PPFIBP2: variants seen among roughly 807,000 people sequenced by gnomAD.
PPFIBP2 encodes the protein liprin-beta-2.
A neutral mutation model predicts 118.3 loss-of-function variants in PPFIBP2; 118 were observed. The ratio of observed to expected loss-of-function variants is 1.00; its 90% CI spans 0.86 to 1.16. The LOEUF is 1.16. Ranked by LOEUF, PPFIBP2 falls within the 50% of genes most tolerant of loss-of-function variation. The probability of loss-of-function intolerance (pLI) is 0.00; values close to 1 mark genes in which losing one functional copy is unlikely to be tolerated. For missense variants in PPFIBP2, 1,195 were observed against 1,073.1 expected (o/e 1.11, Z -1.59); for synonymous variants, 414 against 397.4 (o/e 1.04, Z -0.50).
At chr11:7,604,247 G>A (rs1042076336) in intron 5 of PPFIBP2, among the ~76,000 whole-genome samples, 5 of 152,152 alleles carry the variant, frequency 3.3e-5, no homozygotes, top group African/African-American at 9.7e-5. Flanking sequence ...AGATTGGGGT[G>A]GCTAGGAGTA....
chr11:7,588,045 C>T (rs955099346), intron 3 of PPFIBP2, among the ~76,000 whole-genome samples: 1 of 152,176 alleles, frequency 6.6e-6, no homozygotes, highest in Non-Finnish European at 1.5e-5. Context: ...TTGGACCTGA[C>T]ATATCCCCTG....
At chr11:7,580,944 C>T (rs1348565434) in intron 3 of PPFIBP2, among the ~76,000 whole-genome samples, 6 of 152,210 alleles carry the variant, frequency 3.9e-5, no homozygotes, top group Non-Finnish European at 7.3e-5. Flanking sequence ...CCATTCAGTG[C>T]TTCAGCTTTA....
chr11:7,623,325 A>G (rs892255872), intron 7 of PPFIBP2, among the ~76,000 whole-genome samples: 15 of 152,180 alleles, frequency 9.9e-5, no homozygotes, highest in Non-Finnish European at 1.6e-4. Flanking sequence ...TCTCTGCCCA[A>G]CTGCCTGTCT....
chr11:7,521,238 C>T (rs1849729902), intron 1 of PPFIBP2, among the ~76,000 whole-genome samples: 1 of 152,178 alleles, frequency 6.6e-6, no homozygotes, highest in African/African-American at 2.4e-5. Context: ...TCACCCTGTT[C>T]TATGTTGCAT....
chr11:7,639,206 C>G (rs1454894358), intron 14 of PPFIBP2, among the ~76,000 whole-genome samples: 1 of 152,124 alleles, frequency 6.6e-6, no homozygotes, highest in Non-Finnish European at 1.5e-5. Flanking sequence ...TTCCAATTAG[C>G]AGAAGCACCT....
At chr11:7,581,110 G>A (rs1020097518) in intron 3 of PPFIBP2, among the ~76,000 whole-genome samples, 3 of 152,192 alleles carry the variant, frequency 2.0e-5, no homozygotes, top group Non-Finnish European at 4.4e-5. Context: ...GGCTGATCAG[G>A]GCTGATGCTC....
chr11:7,648,994 A>C, intron 19 of PPFIBP2, 83 bp downstream of exon 19: 1 of 1,388,334 alleles, frequency 7.2e-7, no homozygotes, highest in East Asian at 2.3e-5. Flanking sequence ...TGGGTACCTC[A>C]AGGACAGCTG....
At chr11:7,587,068 C>T (rs1335082779) in intron 3 of PPFIBP2, among the ~76,000 whole-genome samples, 1 of 152,204 alleles carries the variant, frequency 6.6e-6, no homozygotes, top group African/African-American at 2.4e-5. Context: ...CCACCAACCC[C>T]GGTTGATGCC....
chr11:7,547,159 C>T (rs76827747), intron 1 of PPFIBP2, among the ~76,000 whole-genome samples: 9,015 of 152,258 alleles, frequency 0.059, 357 homozygotes, highest in South Asian at 0.15. Flanking sequence ...GGCTGCTTTA[C>T]GTGGTGCCGG....
downstream of PPFIBP2, among the ~76,000 whole-genome samples, chr11:7,661,102 C>A (rs1251172696): frequency 5.3e-5 from 8 of 151,842 alleles, no homozygotes; most frequent in Non-Finnish European, 1.0e-4. Context: ...AAACCAGCTC[C>A]TGGATTCATT....
intron 1 of PPFIBP2, 148 bp from the exon 2 acceptor site, chr11:7,549,292 G>C (rs758941277): frequency 1.0e-5 from 7 of 698,254 alleles, no homozygotes; most frequent in Non-Finnish European, 1.7e-5. Flanking sequence ...GAGGGAAAAG[G>C]CCATGGAGAT....
intron 1 of PPFIBP2, among the ~76,000 whole-genome samples, chr11:7,528,873 G>C (rs993122365): frequency 1.3e-5 from 2 of 152,174 alleles, no homozygotes; most frequent in African/African-American, 4.8e-5. Context: ...CTTTGTTGCT[G>C]AGCAGGTCTG....
At chr11:7,575,232 A>G (rs1856144381) in intron 3 of PPFIBP2, among the ~76,000 whole-genome samples, 1 of 152,236 alleles carries the variant, frequency 6.6e-6, no homozygotes, top group Non-Finnish European at 1.5e-5. Flanking sequence ...AATTGTAGGC[A>G]TGGAAGTAGG....
At chr11:7,523,073 G>A (rs1016815789) in intron 1 of PPFIBP2, among the ~76,000 whole-genome samples, 5 of 152,118 alleles carry the variant, frequency 3.3e-5, no homozygotes, top group African/African-American at 1.2e-4. Flanking sequence ...AGCAGGGTCC[G>A]GTGTAGAGTC....
At chr11:7,605,913 C>G in intron 5 of PPFIBP2, 1 of 1,519,142 alleles carries the variant, frequency 6.6e-7, no homozygotes, top group Non-Finnish European at 8.8e-7. Flanking sequence ...AAAGCAAAGC[C>G]TGTTGGAGCT....
chr11:7,661,127 T>C (rs906520044), downstream of PPFIBP2, among the ~76,000 whole-genome samples: 12 of 151,590 alleles, frequency 7.9e-5, no homozygotes, highest in African/African-American at 2.9e-4. Context: ...TTTTGAAGGG[T>C]TTTTTGTGTC....
chr11:7,588,433 C>A (rs977492311), intron 3 of PPFIBP2, among the ~76,000 whole-genome samples: 1 of 152,208 alleles, frequency 6.6e-6, no homozygotes, highest in Non-Finnish European at 1.5e-5. Flanking sequence ...TTTCCTGAGG[C>A]CCCTCTCAGT....
At chr11:7,643,920 CAG>C (rs1478029243) in intron 17 of PPFIBP2, among the ~76,000 whole-genome samples, 1 of 152,138 alleles carries the variant, frequency 6.6e-6, no homozygotes, top group Non-Finnish European at 1.5e-5. Flanking sequence ...TAAAGTTTTA[CAG>C]AGTTACATTC....
chr11:7,654,335 G>C (rs987043099), downstream of PPFIBP2, among the ~76,000 whole-genome samples: 6 of 152,310 alleles, frequency 3.9e-5, no homozygotes, highest in African/African-American at 1.4e-4. Flanking sequence ...TGCCAGTCTG[G>C]ACTCCTGGTC....
Sources: gnomAD v4.1 joint callset for allele counts (sites outside exome capture counted in the v4.1 genomes callset) on GRCh38, gnomAD v4.1.1 for gene constraint, MANE v1.5 for transcripts, NCBI Gene and HGNC (gene_info 2026-07-23, HGNC 2026-07-21) for gene names.